AUH: variants seen among roughly 807,000 people sequenced by gnomAD.
AUH encodes methylglutaconyl-CoA hydratase, mitochondrial.
In AUH, 29 loss-of-function variants were observed where a neutral mutation model predicts 42.3. That is an observed-to-expected ratio of 0.69 (90% CI 0.51 to 0.93). The LOEUF (loss-of-function observed/expected upper bound fraction) is 0.93, where lower values mean the gene tolerates loss of function less well. AUH is among the 40% of genes least tolerant of loss of function. AUH has a pLI of 0.00. For synonymous variants in AUH, 174 were observed against 166.4 expected (o/e 1.05, Z -0.35); for missense variants, 452 against 438.1 (o/e 1.03, Z -0.28).
intron 6 of AUH, among the ~76,000 whole-genome samples, chr9:91,288,949 T>C (rs921741442): frequency 6.6e-6 from 1 of 152,164 alleles, no homozygotes; most frequent in South Asian, 2.1e-4. Flanking sequence ...AATCAACATA[T>C]TGCTACGCAG....
intron 6 of AUH, among the ~76,000 whole-genome samples, chr9:91,282,751 G>A (rs1407494144): frequency 1.3e-5 from 2 of 152,120 alleles, no homozygotes; most frequent in African/African-American, 4.8e-5. Context: ...ACCCTCCCAA[G>A]ACGAAACCAG....
chr9:91,262,653 C>G (rs1829762746), intron 6 of AUH, among the ~76,000 whole-genome samples: 1 of 152,144 alleles, frequency 6.6e-6, no homozygotes, highest in African/African-American at 2.4e-5. Context: ...ACTGACACAT[C>G]CATTACGGTA....
intron 4 of AUH, among the ~76,000 whole-genome samples, chr9:91,304,595 A>C (rs910503263): frequency 2.0e-5 from 3 of 152,240 alleles, no homozygotes; most frequent in African/African-American, 7.2e-5. Flanking sequence ...ATATAACACA[A>C]AATGACAAGA....
chr9:91,290,374 C>T (rs1442912858), intron 6 of AUH, among the ~76,000 whole-genome samples: 2 of 152,082 alleles, frequency 1.3e-5, no homozygotes, highest in Admixed American at 6.6e-5. Flanking sequence ...ATCATTACAT[C>T]GCTGTCCTTT....
chr9:91,243,591 C>T (rs1034089872), intron 6 of AUH, among the ~76,000 whole-genome samples: 2 of 152,184 alleles, frequency 1.3e-5, no homozygotes, highest in African/African-American at 4.8e-5. Flanking sequence ...GTTTTTAGGG[C>T]TAGTGCTACA....
intron 6 of AUH, among the ~76,000 whole-genome samples, chr9:91,225,737 G>A (rs1013087864): frequency 8.1e-5 from 11 of 135,332 alleles, no homozygotes; most frequent in Non-Finnish European, 1.5e-4. Flanking sequence ...GAGTGTGATT[G>A]TTCCCCTTCC....
At chr9:91,225,858 C>T (rs928393573) in intron 6 of AUH, among the ~76,000 whole-genome samples, 1 of 151,938 alleles carries the variant, frequency 6.6e-6, no homozygotes, top group Non-Finnish European at 1.5e-5. Flanking sequence ...CAATTTCATC[C>T]ATGTCCCTAA....
intron 3 of AUH, among the ~76,000 whole-genome samples, chr9:91,333,692 C>A (rs183360627): frequency 1.0e-3 from 152 of 152,316 alleles, no homozygotes; most frequent in Middle Eastern, 6.8e-3. Flanking sequence ...ATGTTTACTA[C>A]AGCAATGTCA....
At chr9:91,331,217 A>T (rs1396202471) in intron 3 of AUH, among the ~76,000 whole-genome samples, 2 of 152,218 alleles carry the variant, frequency 1.3e-5, no homozygotes, top group African/African-American at 4.8e-5. Context: ...GAAGGGGATA[A>T]ATGTTTTGGA....
chr9:91,234,069 T>C (rs1272704878), intron 6 of AUH, among the ~76,000 whole-genome samples: 1 of 152,190 alleles, frequency 6.6e-6, no homozygotes, highest in Admixed American at 6.5e-5. Flanking sequence ...CCCCAAATGA[T>C]TTGAATGTTG....
chr9:91,217,287 T>C lies in AUH; in HGVS notation c.884A>G (p.Gln295Arg), dbSNP rs1785632812. The C allele has an allele frequency of 6.2e-7, 1 of 1,613,700 alleles. No homozygotes were observed. Among genetic ancestry groups the C allele is most frequent in the Non-Finnish European group, 8.5e-7 (1 of 1,179,790 alleles). The change falls in exon 8 of 10, where the codon CAA becomes CGA. Residue 295 changes from glutamine (Q) to arginine (R), a missense_variant. Transcript: ENST00000375731. Reference protein sequence around the residue: ...AMRVAKLAINQGMEVDLVTGL... With the variant: ...AMRVAKLAINRGMEVDLVTGL... ...CATTAAGGAACCTACCTCCATCCCTTGATTAATTGCTAATTTTGCCACTCT... is the reference window on the plus strand; with the variant it reads ...CATTAAGGAACCTACCTCCATCCCTCGATTAATTGCTAATTTTGCCACTCT...
At chr9:91,229,884 C>A (rs1298053266) in intron 6 of AUH, among the ~76,000 whole-genome samples, 1 of 151,864 alleles carries the variant, frequency 6.6e-6, no homozygotes, top group Non-Finnish European at 1.5e-5. Flanking sequence ...AATATTGGCC[C>A]CCACTCTCTT....
chr9:91,291,445 C>G (rs769701293), intron 6 of AUH, among the ~76,000 whole-genome samples: 4 of 152,204 alleles, frequency 2.6e-5, no homozygotes, highest in African/African-American at 9.6e-5. Flanking sequence ...TCACATCACC[C>G]TTTTGCTAAA....
chr9:91,260,360 T>C (rs1173530100), intron 6 of AUH, among the ~76,000 whole-genome samples: 5 of 152,156 alleles, frequency 3.3e-5, no homozygotes, highest in Non-Finnish European at 7.4e-5. Flanking sequence ...AAACTTACCA[T>C]CTTGTTGTTT....
intron 6 of AUH, among the ~76,000 whole-genome samples, chr9:91,289,471 CT>C (rs1393312314): frequency 8.5e-5 from 13 of 152,224 alleles, no homozygotes; most frequent in Admixed American, 7.9e-4. Flanking sequence ...GAGTGCACCC[CT>C]GGCTGCTCAT....
intron 3 of AUH, among the ~76,000 whole-genome samples, chr9:91,336,652 T>C (rs1587887626): frequency 8.6e-6 from 1 of 116,672 alleles, no homozygotes; most frequent in Non-Finnish European, 1.8e-5. Flanking sequence ...AAAAAAGAAA[T>C]GAACCTCCAT....
intron 4 of AUH, among the ~76,000 whole-genome samples, chr9:91,319,742 GGCC>G (rs1829427310): frequency 6.6e-6 from 1 of 152,200 alleles, no homozygotes; most frequent in South Asian, 2.1e-4. Flanking sequence ...AGGGCTGGCA[GGCC>G]ACTGCGCATG....
chr9:91,235,921 G>A (rs1828147952), intron 6 of AUH, among the ~76,000 whole-genome samples: 1 of 152,170 alleles, frequency 6.6e-6, no homozygotes, highest in Middle Eastern at 3.2e-3. Context: ...AACTGAAGAT[G>A]GCACAGCAGA....
intron 6 of AUH, among the ~76,000 whole-genome samples, chr9:91,231,828 C>T (rs1827900692): frequency 6.6e-6 from 1 of 152,114 alleles, no homozygotes; most frequent in Admixed American, 6.5e-5. Context: ...ACGACATCAG[C>T]AAGTAACACA....
Sources: gnomAD v4.1 joint callset for allele counts (sites outside exome capture counted in the v4.1 genomes callset) on GRCh38, gnomAD v4.1.1 for gene constraint, MANE v1.5 for transcripts, NCBI Gene and HGNC (gene_info 2026-07-23, HGNC 2026-07-21) for gene names.